The following SYNE1 variants were observed in gnomAD, a reference collection of about 807,000 sequenced individuals.
The protein encoded by SYNE1 is nesprin-1.
Under a neutral mutation model 1,111.0 loss-of-function variants are expected in SYNE1, and 616 were observed. That is an observed-to-expected ratio of 0.55 (90% CI 0.52 to 0.59). The LOEUF (loss-of-function observed/expected upper bound fraction) is 0.59, where lower values mean the gene tolerates loss of function less well. SYNE1 is among the 20% of genes least tolerant of loss of function. SYNE1 has a pLI of 0.00. For missense variants in SYNE1, 10,006 were observed against 10,417.0 expected (o/e 0.96, Z 1.72); for synonymous variants, 3,855 against 3,825.8 (o/e 1.01, Z -0.28).
chr6:152,326,392 G>A lies in SYNE1; in HGVS notation c.15197C>T (p.Thr5066Ile), dbSNP rs373690809. ...TTTCTGTTCTAGGTCTTCTTTGCCG[G>A]TTGGCTTGATGAGTGGGTCCAGGGT... ...VATLDPLIKP[T>I]GKEDLEQKVA... The change falls in exon 79 of 146, where the codon ACC (threonine) becomes ATC (isoleucine). Residue 5066 changes from threonine (T) to isoleucine (I), a missense_variant. By Grantham distance (89) the Thr-to-Ile change is moderately conservative. Around this residue, in one of 7 missense-constraint regions of SYNE1, gnomAD observed 4,955 missense variants for 5,017.2 expected, o/e 0.99. Transcript: ENST00000367255. 6.2e-7 allele frequency: 1 copy of A among 1,614,180 alleles called. No individual in the cohort carries two copies. The highest frequency in any genetic ancestry group is 1.1e-5 in the South Asian group (1 of 91,068).
chr6:152,529,455 T>C (rs1028806167), intron 4 of SYNE1, among the ~76,000 whole-genome samples: 2 of 152,182 alleles, frequency 1.3e-5, no homozygotes, highest in Non-Finnish European at 2.9e-5. Context: ...TAGGGACTAG[T>C]GTCATCAGGT....
At chr6:152,631,630 G>A (rs776379905) in intron 2 of SYNE1, among the ~76,000 whole-genome samples, 3 of 152,154 alleles carry the variant, frequency 2.0e-5, no homozygotes, top group Admixed American at 6.5e-5. Context: ...GACCAAAGAC[G>A]GAAATCAGAC....
At chr6:152,629,543 GAGGGGA>G (rs1565300010) in intron 2 of SYNE1, among the ~76,000 whole-genome samples, 8 of 101,068 alleles carry the variant, frequency 7.9e-5, no homozygotes, top group Non-Finnish European at 1.3e-4. Flanking sequence ...GGGGGAGGGG[GAGGGGA>G]GGAGGGGGTG....
chr6:152,261,019 G>T (rs541729489), intron 101 of SYNE1, among the ~76,000 whole-genome samples: 12 of 152,200 alleles, frequency 7.9e-5, no homozygotes, highest in Non-Finnish European at 1.2e-4. Flanking sequence ...GGCAGGTTGC[G>T]CCTGCTTTCT....
At chr6:152,193,091 T>C (rs899245358) in intron 127 of SYNE1, among the ~76,000 whole-genome samples, 2 of 152,204 alleles carry the variant, frequency 1.3e-5, no homozygotes, top group African/African-American at 4.8e-5. Flanking sequence ...GACTTAATAC[T>C]GCCATTTTAT....
chr6:152,472,695 A>T (rs1346473887), intron 14 of SYNE1: 1 of 691,006 alleles, frequency 1.4e-6, no homozygotes, highest in African/African-American at 1.8e-5. Context: ...AAGGCACATG[A>T]TCCAAAGGAA....
intron 143 of SYNE1, among the ~76,000 whole-genome samples, chr6:152,132,681 TG>T (rs2152711042): frequency 6.6e-6 from 1 of 152,308 alleles, no homozygotes; most frequent in African/African-American, 2.4e-5. Flanking sequence ...CAGAGTAGAT[TG>T]TTCTTTTGCA....
intron 105 of SYNE1, 108 bp from the exon 106 acceptor site, chr6:152,244,764 C>A: frequency 7.3e-7 from 1 of 1,364,494 alleles, no homozygotes. Context: ...GTAAAACATT[C>A]TCAATATATA....
At chr6:152,188,424 A>ATCCC in intron 128 of SYNE1, among the ~76,000 whole-genome samples, 1 of 152,280 alleles carries the variant, frequency 6.6e-6, no homozygotes, top group East Asian at 1.9e-4. Context: ...ATATTTTTTT[A>ATCCC]AAACGTTGTG....
In SYNE1 at chr6:152,416,495, T is replaced by A; in HGVS notation, c.5942A>T (p.Lys1981Ile). ...SEADALAVLKKAFQDQKEELL... is the reference protein window; with the variant it reads ...SEADALAVLKIAFQDQKEELL... ...CTCCTCTTTCTGGTCTTGGAATGCTTTTTTCAACACTGCCAGAGCATCTGC... is the reference window on the plus strand; with the variant it reads ...CTCCTCTTTCTGGTCTTGGAATGCTATTTTCAACACTGCCAGAGCATCTGC... The change falls in exon 41 of 146, where the codon AAA (lysine) becomes ATA (isoleucine). Residue 1981 changes from lysine (K) to isoleucine (I), a missense_variant. Physicochemically the swap from Lys to Ile is moderately radical, Grantham distance 102. Transcript: ENST00000367255. The A allele has an allele frequency of 6.2e-7, 1 of 1,614,098 alleles. No individual in the cohort carries two copies. Among genetic ancestry groups the A allele is most frequent in the Non-Finnish European group, 8.5e-7 (1 of 1,180,020 alleles).
chr6:152,501,736 C>CAAA (rs1232051419), intron 10 of SYNE1, among the ~76,000 whole-genome samples: 3 of 90,068 alleles, frequency 3.3e-5, no homozygotes, highest in African/African-American at 7.9e-5. Flanking sequence ...CTCCATCTCA[C>CAAA]AAAAAAAAAA....
intron 117 of SYNE1, among the ~76,000 whole-genome samples, chr6:152,222,097 AG>A (rs1451678906): frequency 6.6e-6 from 1 of 152,188 alleles, no homozygotes; most frequent in Admixed American, 6.5e-5. Flanking sequence ...TTTAAGTCTT[AG>A]CCAACTGAGG....
At chr6:152,389,042 C>G (rs1013714203) in intron 53 of SYNE1, among the ~76,000 whole-genome samples, 1 of 151,732 alleles carries the variant, frequency 6.6e-6, no homozygotes, top group Non-Finnish European at 1.5e-5. Context: ...AGAGTCACTG[C>G]CTATGCTCCA....
chr6:152,528,146 C>T (rs2099172780), intron 4 of SYNE1, among the ~76,000 whole-genome samples: 1 of 152,152 alleles, frequency 6.6e-6, no homozygotes, highest in African/African-American at 2.4e-5. Context: ...TTCTTCCTAA[C>T]CATGGCCATT....
rs891385220 is a variant in SYNE1, at chr6:152,136,826, G to T, written c.25459-8C>A. 12 of 1,613,582 alleles carry T rather than the reference G, an allele frequency of 7.4e-6. No homozygotes were observed. Among genetic ancestry groups the T allele is most frequent in the Non-Finnish European group, 1.0e-5 (12 of 1,179,544 alleles). On this transcript the variant is annotated splice_polypyrimidine_tract_variant and splice_region_variant and intron_variant, in intron 140 of 145. Coordinates refer to ENST00000367255, the MANE Select transcript of SYNE1 (RefSeq NM_182961.4). ...CACAGCTTTCTGGAGCTCCTGAAAA[G>T]AACAAAAAAGACAATCAAACAAGGA...
intron 3 of SYNE1, among the ~76,000 whole-genome samples, chr6:152,599,846 A>T (rs1478233280): frequency 6.6e-6 from 1 of 152,166 alleles, no homozygotes; most frequent in Non-Finnish European, 1.5e-5. Flanking sequence ...AGACACAAAC[A>T]CTCTAACAAG....
intron 3 of SYNE1, among the ~76,000 whole-genome samples, chr6:152,605,006 A>AAGAAAGAAAGAAAG (rs1565139805): frequency 7.8e-5 from 2 of 25,588 alleles, no homozygotes; most frequent in Non-Finnish European, 1.3e-4. Flanking sequence ...GAAAGAAAGA[A>AAGAAAGAAAGAAAG]AGAGAGAGAG....
At chr6:152,522,665 C>T (rs1056385725) in intron 5 of SYNE1, among the ~76,000 whole-genome samples, 1 of 152,132 alleles carries the variant, frequency 6.6e-6, no homozygotes, top group Non-Finnish European at 1.5e-5. Flanking sequence ...AATTTACATT[C>T]CCACCAGCAG....
At position 152,416,868 on chromosome 6, in the gene SYNE1, T is replaced by C; in HGVS notation, c.5569A>G (p.Ser1857Gly). Residue 1857 changes from serine to glycine, a missense_variant, in exon 41 of 146, where the codon AGC becomes GGC. Coordinates refer to ENST00000367255, the MANE Select transcript of SYNE1 (RefSeq NM_182961.4). ...EDCFQLFEEA[S>G]QVVERRQLAL... ...AGCTGCCGCCTCTCCACAACCTGGC[T>C]GGCCTCCTCAAACAGCTGGAAGCAG... 6.2e-7 allele frequency: 1 copy of C among 1,613,998 alleles called. No individual in the cohort carries two copies. Among genetic ancestry groups the C allele is most frequent in the Non-Finnish European group, 8.5e-7 (1 of 1,179,866 alleles).
Sources: allele counts gnomAD v4.1 joint callset (sites outside exome capture counted in the v4.1 genomes callset), GRCh38; gene constraint gnomAD v4.1.1; regional missense constraint gnomAD v4.1.1; transcripts MANE v1.5; gene names NCBI Gene and HGNC (gene_info 2026-07-23, HGNC 2026-07-21).